Variants in TRPM3 observed in about 807,000 individuals in gnomAD.
TRPM3 encodes the protein long transient receptor potential channel 3.
TRPM3 carries 77 observed loss-of-function variants against 181.2 expected under a neutral mutation model. That is an observed-to-expected ratio of 0.42 (90% CI 0.35 to 0.51). The LOEUF (loss-of-function observed/expected upper bound fraction) is 0.51. TRPM3 is among the 20% of genes least tolerant of loss of function. TRPM3 has a pLI of 0.01. For synonymous variants in TRPM3, 745 were observed against 796.4 expected (o/e 0.94, Z 1.09); for missense variants, 1,759 against 2,196.7 (o/e 0.80, Z 3.98).
chr9:71,433,442 T>C (rs1393625710), intron 1 of TRPM3, among the ~76,000 whole-genome samples: 2 of 152,214 alleles, frequency 1.3e-5, no homozygotes, highest in East Asian at 3.8e-4. Context: ...TCTGCCATGA[T>C]TGTAAGTTTC....
At chr9:70,655,697 G>A (rs901810700) in intron 9 of TRPM3, among the ~76,000 whole-genome samples, 1 of 152,154 alleles carries the variant, frequency 6.6e-6, no homozygotes, top group African/African-American at 2.4e-5. Flanking sequence ...TAGCACACCA[G>A]ACTTTTTCTC....
intron 1 of TRPM3, among the ~76,000 whole-genome samples, chr9:71,046,600 C>T (rs1319962313): frequency 6.6e-6 from 1 of 152,160 alleles, no homozygotes; most frequent in Non-Finnish European, 1.5e-5. Context: ...CCGGATCTAT[C>T]CTCCCCGACC....
intron 1 of TRPM3, among the ~76,000 whole-genome samples, chr9:71,096,995 G>C (rs1402118272): frequency 6.6e-6 from 1 of 152,086 alleles, no homozygotes; most frequent in Non-Finnish European, 1.5e-5. Context: ...CAGAGAAGAA[G>C]GTGGGGGAAG....
intron 1 of TRPM3, among the ~76,000 whole-genome samples, chr9:70,868,329 C>T (rs2095700398): frequency 6.6e-6 from 1 of 151,928 alleles, no homozygotes; most frequent in South Asian, 2.1e-4. Flanking sequence ...TGAGGACACT[C>T]ACATTGAACA....
intron 6 of TRPM3, among the ~76,000 whole-genome samples, chr9:70,816,485 C>T (rs1379494837): frequency 1.3e-5 from 2 of 152,176 alleles, no homozygotes; most frequent in African/African-American, 2.4e-5. Context: ...TCTTTTCCCC[C>T]AAGAGGGCCA....
intron 1 of TRPM3, among the ~76,000 whole-genome samples, chr9:70,873,638 G>A (rs1299642686): frequency 6.6e-6 from 1 of 151,918 alleles, no homozygotes; most frequent in Non-Finnish European, 1.5e-5. Flanking sequence ...TTAAAACTCT[G>A]CATGAAACAT....
At chr9:70,996,611 A>C (rs2134183188) in intron 1 of TRPM3, among the ~76,000 whole-genome samples, 2 of 152,354 alleles carry the variant, frequency 1.3e-5, no homozygotes, top group South Asian at 4.1e-4. Flanking sequence ...GCAATGTTAA[A>C]GTGCACTGAT....
intron 1 of TRPM3, among the ~76,000 whole-genome samples, chr9:71,245,213 C>A (rs568969699): frequency 1.1e-4 from 16 of 152,154 alleles, no homozygotes; most frequent in Non-Finnish European, 2.1e-4. Flanking sequence ...CTTTGGGAGG[C>A]CAAGTTGGGT....
chr9:70,978,902 T>G (rs1328262854), intron 1 of TRPM3, among the ~76,000 whole-genome samples: 2 of 152,184 alleles, frequency 1.3e-5, no homozygotes, highest in African/African-American at 4.8e-5. Context: ...CACTGATACT[T>G]TTCCCACAAA....
At chr9:70,698,680 G>A (rs2071404757) in intron 8 of TRPM3, among the ~76,000 whole-genome samples, 3 of 152,150 alleles carry the variant, frequency 2.0e-5, no homozygotes. Flanking sequence ...GGTGGGCCTG[G>A]TGGGAGGTGA....
Position 71,326,299 on chromosome 9 carries a change from T to C in TRPM3, c.183+120354A>G, listed in dbSNP as rs17056710. On this transcript the variant is annotated intron_variant, in intron 1 of 24. Coordinates refer to the TRPM3 transcript ENST00000357533. ...CAGAGCTAGAGAAAAGCCAAAAGAC[T>C]ACTGCATACATTTCCATGTTACAGA... is the stretch of plus-strand genomic sequence containing the variant. Among the ~76,000 whole-genome samples the C allele has an allele frequency of 8.8e-3, 1,334 of 152,322 alleles. 14 individuals carry two copies. Among genetic ancestry groups the C allele is most frequent in the African/African-American group, 0.027 (1,129 of 41,582 alleles).
chr9:70,947,510 T>C (rs2096947787), intron 1 of TRPM3, among the ~76,000 whole-genome samples: 1 of 152,210 alleles, frequency 6.6e-6, no homozygotes, highest in African/African-American at 2.4e-5. Flanking sequence ...TAGAGAATTA[T>C]CCTCTAGTAA....
intron 1 of TRPM3, among the ~76,000 whole-genome samples, chr9:70,878,124 G>C (rs1214195678): frequency 6.6e-6 from 1 of 151,978 alleles, no homozygotes; most frequent in Non-Finnish European, 1.5e-5. Context: ...TGATTCCAAT[G>C]TTAATGATTT....
intron 1 of TRPM3, among the ~76,000 whole-genome samples, chr9:71,288,387 AT>A (rs1264921659): frequency 6.6e-6 from 1 of 152,118 alleles, no homozygotes; most frequent in Non-Finnish European, 1.5e-5. Context: ...ATGTGTATAT[AT>A]ACACATACAC....
chr9:71,268,456 AAAC>A (rs1203980830), intron 1 of TRPM3, among the ~76,000 whole-genome samples: 6 of 152,194 alleles, frequency 3.9e-5, no homozygotes, highest in African/African-American at 1.4e-4. Context: ...TGATAAAATT[AAAC>A]AACTATAGTA....
At chr9:70,916,503 A>C (rs2096596149) in intron 1 of TRPM3, among the ~76,000 whole-genome samples, 1 of 152,180 alleles carries the variant, frequency 6.6e-6, no homozygotes, top group African/African-American at 2.4e-5. Flanking sequence ...GGGGGCACAA[A>C]GTTAAGGTGT....
intron 1 of TRPM3, among the ~76,000 whole-genome samples, chr9:70,882,933 G>A (rs746017903): frequency 2.0e-5 from 3 of 152,136 alleles, no homozygotes; most frequent in Non-Finnish European, 4.4e-5. Context: ...TTACTGAGTG[G>A]TGACTTTGTT....
At chr9:71,296,915 AAC>A (rs897899363) in intron 1 of TRPM3, among the ~76,000 whole-genome samples, 1 of 152,082 alleles carries the variant, frequency 6.6e-6, no homozygotes, top group Non-Finnish European at 1.5e-5. Flanking sequence ...GAACATGAGA[AAC>A]ACTGCAGAAA....
At chr9:71,040,448 C>T (rs369444544) in intron 1 of TRPM3, among the ~76,000 whole-genome samples, 131 of 152,274 alleles carry the variant, frequency 8.6e-4, no homozygotes, top group African/African-American at 3.0e-3. Context: ...TTTTCTCATG[C>T]TGTATATAAA....
Sources: allele counts gnomAD v4.1 joint callset (sites outside exome capture counted in the v4.1 genomes callset), GRCh38; gene constraint gnomAD v4.1.1; transcripts MANE v1.5; gene names NCBI Gene and HGNC (gene_info 2026-07-23, HGNC 2026-07-21).